Variants in BIN1 observed in about 807,000 individuals in gnomAD.
BIN1 encodes bridging integrator 1.
BIN1 carries 53 observed loss-of-function variants against 82.0 expected under a neutral mutation model. That is an observed-to-expected ratio of 0.65 (90% CI 0.52 to 0.81). The LOEUF is 0.81. Among genes scored for constraint, BIN1 ranks in the 40% least tolerant of loss-of-function variants. The probability of loss-of-function intolerance (pLI) is 0.00; values close to 1 mark genes in which losing one functional copy is unlikely to be tolerated. For missense variants in BIN1, 642 were observed against 784.4 expected (o/e 0.82, Z 2.17); for synonymous variants, 302 against 328.0 (o/e 0.92, Z 0.86).
At chr2:127,076,127 A>G (rs1162625553) in intron 2 of BIN1, among the ~76,000 whole-genome samples, 2 of 151,904 alleles carry the variant, frequency 1.3e-5, no homozygotes, top group African/African-American at 4.8e-5. Context: ...CCCTCTCTCA[A>G]ATGCTCCCAG....
rs948477022 is a variant in BIN1, at chr2:127,073,242, C to T, written c.166-2426G>A. ...GTCCCCAGGGTAGACACAGCCCTCCCCCGACGGAGGCCCCAGCCAGCTACC... is the reference window on the plus strand; with the variant it reads ...GTCCCCAGGGTAGACACAGCCCTCCTCCGACGGAGGCCCCAGCCAGCTACC... On this transcript the variant is annotated intron_variant, in intron 2 of 18. Coordinates refer to ENST00000316724, the MANE Select transcript of BIN1 (RefSeq NM_139343.3). Among the ~76,000 whole-genome samples, 12 of 152,220 alleles carry T rather than the reference C, an allele frequency of 7.9e-5. 1 individual carries two copies. The highest frequency in any genetic ancestry group is 7.2e-4 in the Admixed American group (11 of 15,284).
At chr2:127,054,287 T>C in intron 12 of BIN1, 1 of 485,588 alleles carries the variant, frequency 2.1e-6, no homozygotes, top group Non-Finnish European at 3.8e-6. Context: ...CGCCTCAAAC[T>C]CCCAGTCATA....
intron 1 of BIN1, among the ~76,000 whole-genome samples, chr2:127,077,627 G>C (rs1686787098): frequency 6.6e-6 from 1 of 152,192 alleles, no homozygotes; most frequent in African/African-American, 2.4e-5. Flanking sequence ...GGTGGGAGCA[G>C]GGAGACAAAA....
At position 127,057,455 on chromosome 2, in the gene BIN1, G is replaced by T. The variant is rs191760397; in HGVS notation, c.1131+18C>A. The T allele has an allele frequency of 1.7e-5, 26 of 1,541,348 alleles. 2 individuals are homozygous for T. In the Admixed American group the frequency reaches 4.9e-4, roughly 29 times the overall value. On this transcript the variant is annotated intron_variant, in intron 12 of 18. Transcript: ENST00000316724. The surrounding 1 kb of genome is among the most constrained non-coding windows in gnomAD (Gnocchi z 5.0). ...GGCAGGAAGAGAGGAGAGCTGGGCCGCGGCGGCCGCGGCTGACCTGGGAGG... is the reference window on the plus strand; with the variant it reads ...GGCAGGAAGAGAGGAGAGCTGGGCCTCGGCGGCCGCGGCTGACCTGGGAGG...
At chr2:127,095,386 C>A (rs950205871) in intron 1 of BIN1, among the ~76,000 whole-genome samples, 24 of 152,214 alleles carry the variant, frequency 1.6e-4, no homozygotes, top group Non-Finnish European at 3.4e-4. Flanking sequence ...GCCTCCCTGG[C>A]GGGGTCACTG....
intron 2 of BIN1, among the ~76,000 whole-genome samples, chr2:127,073,118 T>C (rs1364886208): frequency 6.6e-6 from 1 of 152,220 alleles, no homozygotes; most frequent in East Asian, 1.9e-4. Context: ...CAAACAACGC[T>C]GGGCTGTGCG....
intron 1 of BIN1, among the ~76,000 whole-genome samples, chr2:127,078,929 C>G (rs528024836): frequency 6.6e-6 from 1 of 152,116 alleles, no homozygotes; most frequent in Non-Finnish European, 1.5e-5. Context: ...CCAGAGCCAC[C>G]AGAGAGAGCC....
At chr2:127,094,060 T>C (rs1679275411) in intron 1 of BIN1, among the ~76,000 whole-genome samples, 1 of 152,066 alleles carries the variant, frequency 6.6e-6, no homozygotes, top group Non-Finnish European at 1.5e-5. Context: ...ACCTTCAGGG[T>C]CCTCGTGTGT....
chr2:127,079,455 C>T (rs992556019), intron 1 of BIN1, among the ~76,000 whole-genome samples: 9 of 152,208 alleles, frequency 5.9e-5, no homozygotes, highest in African/African-American at 2.2e-4. Context: ...CACCGCCAGC[C>T]CTCACACCGG....
At position 127,057,553 on chromosome 2, in the gene BIN1, T is replaced by C. The variant is rs976894080; in HGVS notation, c.1051A>G (p.Lys351Glu). 1 of 1,543,708 alleles carries C rather than the reference T, an allele frequency of 6.5e-7. No homozygotes were observed. Among genetic ancestry groups the C allele is most frequent in the African/African-American group, 1.4e-5 (1 of 72,874 alleles). ...VPPPPKHTPSKEVKQEQILSL... is the reference protein window; with the variant it reads ...VPPPPKHTPSEEVKQEQILSL... ...AGGATCTGCTCCTGCTTGACTTCCTTGGACGGGGTGTGTTTGGGAGGCGGA... is the reference window on the plus strand; with the variant it reads ...AGGATCTGCTCCTGCTTGACTTCCTCGGACGGGGTGTGTTTGGGAGGCGGA... The change falls in exon 12 of 19, where the codon AAG (lysine) becomes GAG (glutamate). Residue 351 changes from lysine to glutamate, a missense_variant. Physicochemically the swap from Lys to Glu is moderately conservative, Grantham distance 56. Coordinates refer to ENST00000316724, the MANE Select transcript of BIN1 (RefSeq NM_139343.3). The surrounding 1 kb of genome is among the most constrained non-coding windows in gnomAD (Gnocchi z 5.0).
chr2:127,070,024 T>G lies in BIN1; in HGVS notation c.382A>C (p.Thr128Pro). The change falls in exon 5 of 19, where the codon ACG becomes CCG. Residue 128 changes from threonine to proline, a missense_variant. Physicochemically the swap from Thr to Pro is conservative, Grantham distance 38 (BLOSUM62 -1). Coordinates refer to ENST00000316724, the MANE Select transcript of BIN1 (RefSeq NM_139343.3). ...ATGTCGGGGAACTGGCCCAGGTACG[T>G]GTCCATGGTCAGCAGCGCCTGGTCC... is the stretch of plus-strand genomic sequence containing the variant. Reference protein sequence around the residue: ...LVDQALLTMDTYLGQFPDIKS... With the variant: ...LVDQALLTMDPYLGQFPDIKS... 1 of 1,614,140 alleles carries G rather than the reference T, an allele frequency of 6.2e-7. No homozygotes were observed. The highest frequency in any genetic ancestry group is 2.2e-5 in the East Asian group (1 of 44,874).
chr2:127,050,402 G>A lies in BIN1; in HGVS notation c.1674+19C>T, dbSNP rs762965764. 9.9e-6 allele frequency: 16 copies of A among 1,613,354 alleles called. No individual in the cohort carries two copies. The highest frequency in any genetic ancestry group is 4.0e-5 in the African/African-American group (3 of 74,884). ...GCCTGTGGTCCCCCTGCGCTCTGGC[G>A]GCCCCACCCAGCCCTCACCTGCTCT... On this transcript the variant is annotated intron_variant, in intron 18 of 18. Transcript: ENST00000316724.
At chr2:127,087,065 G>A (rs62158724) in intron 1 of BIN1, among the ~76,000 whole-genome samples, 7 of 152,262 alleles carry the variant, frequency 4.6e-5, no homozygotes, top group African/African-American at 1.7e-4. Flanking sequence ...TGAAATACTG[G>A]TGAGAGCAAA....
At position 127,064,013 on chromosome 2, in the gene BIN1, C is replaced by T. The variant is rs1684842816; in HGVS notation, c.618G>A (p.Glu206=). Residue 206 remains glutamate, a synonymous_variant, in exon 8 of 19, where the codon GAG becomes GAA. Transcript: ENST00000316724. ...CCTTCTGGGCTTTGATGAGCTCCTC[C>T]TCGGCCTGGGGGGCAGCACGGGTCA... ...AQTNLLRNQA[E]EELIKAQKVF... 1 of 1,613,768 alleles carries T rather than the reference C, an allele frequency of 6.2e-7. No individual in the cohort carries two copies. Among genetic ancestry groups the T allele is most frequent in the African/African-American group, 1.3e-5 (1 of 74,932 alleles).
chr2:127,058,984 G>A (rs1453546983), intron 11 of BIN1, 27 bp downstream of exon 11: 2 of 1,553,186 alleles, frequency 1.3e-6, no homozygotes, highest in Admixed American at 2.0e-5. Flanking sequence ...GAGGGCAGGG[G>A]ACCTGCTACC....
At chr2:127,052,674 A>G (rs1683117606) in intron 14 of BIN1, 1 of 409,374 alleles carries the variant, frequency 2.4e-6, no homozygotes, top group Non-Finnish European at 4.5e-6. Context: ...CCTGCGGTGG[A>G]GCCTCCAGAG....
At chr2:127,104,231 G>A (rs184419568) in intron 1 of BIN1, among the ~76,000 whole-genome samples, 26 of 152,324 alleles carry the variant, frequency 1.7e-4, no homozygotes, top group Admixed American at 8.5e-4. Flanking sequence ...ACTAAGCACC[G>A]ACTGGGGCCA....
At chr2:127,051,479 G>T (rs1261805446) in intron 15 of BIN1, among the ~76,000 whole-genome samples, 1 of 152,116 alleles carries the variant, frequency 6.6e-6, no homozygotes. Flanking sequence ...AGGGATGTGA[G>T]TGACAATGCT....
rs1297315281 is a variant in BIN1 at position 127,107,126 on chromosome 2, G to A, written c.-183C>T. The A allele has an allele frequency of 5.0e-6, 3 of 597,868 alleles. No individual in the cohort carries two copies. Among genetic ancestry groups the A allele is most frequent in the Non-Finnish European group, 7.5e-6 (3 of 402,100 alleles). 37.0% of individuals were successfully genotyped at this position (597,868 alleles called of 1,614,324 possible). A position where few individuals can be genotyped will look rare whatever the true frequency, so the allele number is the denominator to read the frequency against. On this transcript the variant is annotated 5_prime_UTR_variant, in exon 1 of 19. Transcript: ENST00000316724. The surrounding 1 kb of genome is among the most constrained non-coding windows in gnomAD (Gnocchi z 5.9). ...GCCGGACGGGCGAGCGAGCCAGCGA[G>A]CTAGCCAGCGAGCGACGCGGGGACA...
Sources: allele counts gnomAD v4.1 joint callset (sites outside exome capture counted in the v4.1 genomes callset), GRCh38; gene constraint gnomAD v4.1.1; non-coding constraint Gnocchi (gnomAD v3.1); transcripts MANE v1.5; gene names NCBI Gene and HGNC (gene_info 2026-07-23, HGNC 2026-07-21).